LYST: variants seen among roughly 807,000 people sequenced by gnomAD.
The protein encoded by LYST is lysosomal-trafficking regulator.
A neutral mutation model predicts 413.6 loss-of-function variants in LYST; 192 were observed. The observed-to-expected ratio is 0.46, with a 90% CI of 0.41 to 0.52. LYST has a LOEUF of 0.52. LYST is among the 20% of genes least tolerant of loss of function. The probability of loss-of-function intolerance (pLI) is 0.00; values close to 1 mark genes in which losing one functional copy is unlikely to be tolerated. For synonymous variants in LYST, 1,525 were observed against 1,567.3 expected (o/e 0.97, Z 0.64); for missense variants, 3,815 against 4,499.9 (o/e 0.85, Z 4.35).
Position 235,812,958 on chromosome 1 carries a change from GGAAA to G in LYST, c.283+9_283+12del. 1 of 1,554,988 alleles carries G rather than the reference GGAAA, an allele frequency of 6.4e-7. No individual in the cohort carries two copies. The highest frequency in any genetic ancestry group is 8.9e-7 in the Non-Finnish European group (1 of 1,126,734). On this transcript the variant is annotated intron_variant, in intron 4 of 52. Transcript: ENST00000389793. ...TGATAACACAAGTGATATGATAAAG[GGAAA>G]AAGCATACCTGTTGCCTTTTCTTCT...
chr1:235,782,701 A>T (rs969862363), intron 14 of LYST, among the ~76,000 whole-genome samples: 1 of 152,198 alleles, frequency 6.6e-6, no homozygotes, highest in African/African-American at 2.4e-5. Flanking sequence ...GTTTACAGAT[A>T]TAAACCAACC....
intron 31 of LYST, chr1:235,738,618 A>T (rs760875267): frequency 6.2e-7 from 1 of 1,608,436 alleles, no homozygotes; most frequent in Non-Finnish European, 8.5e-7. Context: ...AGCAAATGTT[A>T]CTGGTGTCTC....
intron 14 of LYST, among the ~76,000 whole-genome samples, chr1:235,784,632 T>C (rs1213622690): frequency 1.3e-5 from 2 of 152,176 alleles, no homozygotes; most frequent in East Asian, 3.9e-4. Flanking sequence ...ATATGTAAAA[T>C]TGGGATAATA....
intron 4 of LYST, among the ~76,000 whole-genome samples, chr1:235,812,447 C>G (rs1034996373): frequency 6.6e-6 from 1 of 150,546 alleles, no homozygotes; most frequent in East Asian, 1.9e-4. Context: ...GCTGAGGTTG[C>G]AGTGAGCCGA....
At position 235,677,135 on chromosome 1, in the gene LYST, G is replaced by T. The variant is rs1659443581; in HGVS notation, c.10994C>A (p.Ser3665Tyr). Residue 3665 changes from serine (S) to tyrosine (Y), a missense_variant, in exon 50 of 53, where the codon TCT becomes TAT. By Grantham distance (144) the Ser-to-Tyr change is moderately radical. This residue lies in a region of LYST where 866 missense variants were observed against 1,156.0 expected (regional missense o/e 0.75). Transcript: ENST00000389793. Reference sequence around the variant, plus strand: ...AATATCACCTGAGGTTTCACTGGCAGAGACAGCTGTGACAGGGCTTTTGTG... The same window carrying T: ...AATATCACCTGAGGTTTCACTGGCATAGACAGCTGTGACAGGGCTTTTGTG... ...AGHKSPVTAV[S>Y]ASETSGDIAT... is the part of the protein sequence containing the mutation. The T allele has an allele frequency of 6.2e-7, 1 of 1,613,944 alleles. No individual in the cohort carries two copies. The highest frequency in any genetic ancestry group is 8.5e-7 in the Non-Finnish European group (1 of 1,179,944).
At chr1:235,814,906 G>T (rs752559615) in intron 3 of LYST, among the ~76,000 whole-genome samples, 1 of 152,130 alleles carries the variant, frequency 6.6e-6, no homozygotes, top group Non-Finnish European at 1.5e-5. Context: ...CATACATCTA[G>T]CTGGTAAAGG....
intron 34 of LYST, among the ~76,000 whole-genome samples, chr1:235,732,085 A>G (rs1664432860): frequency 6.6e-6 from 1 of 151,900 alleles, no homozygotes; most frequent in East Asian, 1.9e-4. Context: ...TAAAACGTGC[A>G]TCTGTTTTTA....
At chr1:235,873,379 G>T (rs1466019674) in intron 1 of LYST, among the ~76,000 whole-genome samples, 1 of 151,910 alleles carries the variant, frequency 6.6e-6, no homozygotes. Context: ...TAACAATTCT[G>T]TCCTGTTTTT....
intron 11 of LYST, among the ~76,000 whole-genome samples, chr1:235,793,027 G>A (rs1439729919): frequency 6.6e-6 from 1 of 152,066 alleles, no homozygotes; most frequent in African/African-American, 2.4e-5. Flanking sequence ...TGTCTTATTT[G>A]CTTATGCTTC....
intron 23 of LYST, 143 bp from the exon 24 acceptor site, chr1:235,757,601 G>C: frequency 1.4e-6 from 1 of 702,122 alleles, no homozygotes; most frequent in Non-Finnish European, 2.6e-6. Context: ...TAATTTAACT[G>C]TGATTAACAA....
At chr1:235,694,159 G>A (rs1487740807) in intron 46 of LYST, among the ~76,000 whole-genome samples, 1 of 151,916 alleles carries the variant, frequency 6.6e-6, no homozygotes, top group Non-Finnish European at 1.5e-5. Flanking sequence ...ACAGGCGCTC[G>A]CCACCATGCC....
intron 14 of LYST, 84 bp downstream of exon 14, chr1:235,787,116 A>G (rs2103503173): frequency 9.5e-7 from 1 of 1,047,728 alleles, no homozygotes; most frequent in East Asian, 2.4e-5. Context: ...AAGTTTCTGT[A>G]TTCTGTTTCA....
chr1:235,798,603 A>AAAAAAAAAAAAAAC (rs1671844199), intron 10 of LYST, among the ~76,000 whole-genome samples: 1 of 110,018 alleles, frequency 9.1e-6, no homozygotes, highest in Admixed American at 8.9e-5. Context: ...AAAAAAAAAA[A>AAAAAAAAAAAAAAC]AAAAAAAAAA....
intron 34 of LYST, among the ~76,000 whole-genome samples, chr1:235,733,209 T>C (rs1410252802): frequency 1.3e-5 from 2 of 152,142 alleles, no homozygotes; most frequent in South Asian, 2.1e-4. Context: ...AATATATTTT[T>C]CTCAACCATC....
intron 1 of LYST, among the ~76,000 whole-genome samples, chr1:235,879,159 C>T (rs547968191): frequency 6.9e-4 from 105 of 152,320 alleles, no homozygotes; most frequent in African/African-American, 2.5e-3. Context: ...GTGTGAACCA[C>T]CACTACCAGC....
At chr1:235,743,707 T>C (rs1042970767) in intron 30 of LYST, among the ~76,000 whole-genome samples, 1 of 152,210 alleles carries the variant, frequency 6.6e-6, no homozygotes, top group African/African-American at 2.4e-5. Context: ...GATGATCTAC[T>C]CTTTTCTGAT....
At chr1:235,864,122 C>T (rs1680217213) in intron 1 of LYST, among the ~76,000 whole-genome samples, 1 of 152,106 alleles carries the variant, frequency 6.6e-6, no homozygotes, top group South Asian at 2.1e-4. Flanking sequence ...CCACGATCCC[C>T]ACACTGCTGC....
intron 50 of LYST, among the ~76,000 whole-genome samples, chr1:235,666,225 TACACACACACAC>T (rs66890524): frequency 0.035 from 4,756 of 135,938 alleles, 220 homozygotes; most frequent in African/African-American, 0.12. Context: ...AGTATGTACA[TACACACACACAC>T]ACACACACAC....
At chr1:235,791,651 G>T in intron 12 of LYST, 48 bp downstream of exon 12, 2 of 1,490,142 alleles carry the variant, frequency 1.3e-6, no homozygotes, top group Non-Finnish European at 1.9e-6. Context: ...GAAAATTATA[G>T]TCTGAAAACA....
Sources: allele counts gnomAD v4.1 joint callset (sites outside exome capture counted in the v4.1 genomes callset), GRCh38; gene constraint gnomAD v4.1.1; regional missense constraint gnomAD v4.1.1; transcripts MANE v1.5; gene names NCBI Gene and HGNC (gene_info 2026-07-23, HGNC 2026-07-21).